HTR1F: variants seen among roughly 807,000 people sequenced by gnomAD.
HTR1F encodes 5-hydroxytryptamine (serotonin) receptor 1F, G protein-coupled.
A neutral mutation model predicts 24.0 loss-of-function variants in HTR1F; 17 were observed. The ratio of observed to expected loss-of-function variants is 0.71; its 90% CI spans 0.48 to 1.06. The LOEUF is 1.06. Ranked by LOEUF, HTR1F falls within the 50% of genes least tolerant of loss-of-function variation. HTR1F has a pLI of 0.00. For missense variants in HTR1F, 391 were observed against 427.8 expected, an observed-to-expected ratio of 0.91 and a Z score of 0.76; for synonymous variants, 186 against 156.8, an observed-to-expected ratio of 1.19 and a Z score of -1.39.
chr3:87,941,912 C>T (rs1254742106), intron 2 of HTR1F, among the ~76,000 whole-genome samples: 3 of 152,224 alleles, frequency 2.0e-5, no homozygotes, highest in Admixed American at 2.0e-4. Context: ...ATTGCAGGGG[C>T]TATTGCATGG....
chr3:87,806,661 T>C lies in HTR1F; in HGVS notation c.-160+13819T>C, dbSNP rs548905168. On this transcript the variant is annotated intron_variant, in intron 1 of 2. Transcript: ENST00000319595. ...TGTGAAGAAGAGTTTTAGTTTAATA[T>C]AGTCCAATTTTGTTTCTGTTGTCTA... 3.9e-4 allele frequency among the ~76,000 whole-genome samples: 59 copies of C among 152,100 alleles called. No homozygotes were observed. The South Asian group carries it at 0.011, about 29-fold the overall frequency.
chr3:87,849,674 C>T (rs1487691020), intron 2 of HTR1F, among the ~76,000 whole-genome samples: 1 of 151,768 alleles, frequency 6.6e-6, no homozygotes, highest in Non-Finnish European at 1.5e-5. Context: ...AACAGGCAAC[C>T]TACAGAATGG....
intron 2 of HTR1F, among the ~76,000 whole-genome samples, chr3:87,945,339 T>G (rs1298079638): frequency 6.6e-6 from 1 of 152,048 alleles, no homozygotes; most frequent in African/African-American, 2.4e-5. Flanking sequence ...GAGATACAAC[T>G]TGCTAGAGGA....
At chr3:87,864,408 T>C (rs1705379159) in intron 2 of HTR1F, among the ~76,000 whole-genome samples, 1 of 152,150 alleles carries the variant, frequency 6.6e-6, no homozygotes, top group African/African-American at 2.4e-5. Context: ...CAGAAAACTG[T>C]TAGAATTTAT....
At chr3:87,984,052 CAGTT>C (rs1275208655) in intron 2 of HTR1F, among the ~76,000 whole-genome samples, 1 of 152,172 alleles carries the variant, frequency 6.6e-6, no homozygotes, top group Admixed American at 6.5e-5. Flanking sequence ...TTGTCTTCCT[CAGTT>C]AATTTTCATC....
chr3:87,954,701 TA>T (rs1704907014), intron 2 of HTR1F, among the ~76,000 whole-genome samples: 1 of 151,594 alleles, frequency 6.6e-6, no homozygotes, highest in South Asian at 2.1e-4. Flanking sequence ...GATAACCAAT[TA>T]AAACATTTTA....
chr3:87,897,252 A>AT (rs1706219481), intron 2 of HTR1F, among the ~76,000 whole-genome samples: 2 of 148,854 alleles, frequency 1.3e-5, no homozygotes, highest in African/African-American at 4.9e-5. Context: ...ATATATATAT[A>AT]ATTCAGCCTT....
At chr3:87,948,879 A>G (rs371390920) in intron 2 of HTR1F, among the ~76,000 whole-genome samples, 4 of 152,342 alleles carry the variant, frequency 2.6e-5, no homozygotes, top group South Asian at 4.1e-4. Context: ...TAGCCATATT[A>G]TAGAACCTTG....
intron 2 of HTR1F, among the ~76,000 whole-genome samples, chr3:87,916,926 A>G (rs1219144925): frequency 1.3e-5 from 2 of 152,134 alleles, no homozygotes; most frequent in African/African-American, 4.8e-5. Flanking sequence ...ATTCAACAGC[A>G]CATGGAACTT....
intron 1 of HTR1F, among the ~76,000 whole-genome samples, chr3:87,803,824 A>T (rs1459532027): frequency 1.3e-5 from 2 of 152,272 alleles, no homozygotes; most frequent in East Asian, 3.9e-4. Flanking sequence ...GAATAAACTG[A>T]TCATTTTTAC....
chr3:87,984,231 A>G (rs1705612587), intron 2 of HTR1F, among the ~76,000 whole-genome samples: 1 of 152,198 alleles, frequency 6.6e-6, no homozygotes, highest in African/African-American at 2.4e-5. Flanking sequence ...TGCTATGATT[A>G]ATTAATTATC....
chr3:87,866,839 T>C (rs903944899), intron 2 of HTR1F, among the ~76,000 whole-genome samples: 1 of 149,888 alleles, frequency 6.7e-6, no homozygotes, highest in Non-Finnish European at 1.5e-5. Flanking sequence ...TGTGTGTGTG[T>C]GTGTGTGCGT....
chr3:87,849,452 T>C (rs962000558), intron 2 of HTR1F, among the ~76,000 whole-genome samples: 4 of 151,846 alleles, frequency 2.6e-5, no homozygotes, highest in African/African-American at 9.7e-5. Flanking sequence ...TCTACAAAAA[T>C]TAATTCAAGA....
chr3:87,857,927 A>G lies in HTR1F; in HGVS notation c.-43+35803A>G, dbSNP rs140312314. ...GGCAAGATATGATAATAATAACACTATTATTTTTATTTTTCAACTAAATTG... is the reference window on the plus strand; with the variant it reads ...GGCAAGATATGATAATAATAACACTGTTATTTTTATTTTTCAACTAAATTG... On this transcript the variant is annotated intron_variant, in intron 2 of 2. Coordinates refer to ENST00000319595, the MANE Select transcript of HTR1F (RefSeq NM_001322209.2). Among the ~76,000 whole-genome samples, 275 of 152,294 alleles carry G rather than the reference A, an allele frequency of 1.8e-3. 3 individuals carry two copies. The East Asian group carries it at 0.021, about 12-fold the overall frequency.
intron 2 of HTR1F, among the ~76,000 whole-genome samples, chr3:87,967,674 C>T (rs1705197182): frequency 6.6e-6 from 1 of 152,052 alleles, no homozygotes; most frequent in Admixed American, 6.6e-5. Flanking sequence ...AGGGGAGTTC[C>T]CCTGCTCATG....
intron 2 of HTR1F, among the ~76,000 whole-genome samples, chr3:87,824,355 C>T (rs931089459): frequency 6.6e-6 from 1 of 152,124 alleles, no homozygotes; most frequent in African/African-American, 2.4e-5. Flanking sequence ...CCTAATGATG[C>T]CCTTTAAAAT....
At chr3:87,829,586 G>GTT (rs1704533426) in intron 2 of HTR1F, among the ~76,000 whole-genome samples, 2 of 152,232 alleles carry the variant, frequency 1.3e-5, no homozygotes, top group East Asian at 3.9e-4. Context: ...CATTCACACT[G>GTT]TCCTGAGGGA....
intron 2 of HTR1F, among the ~76,000 whole-genome samples, chr3:87,968,658 C>G (rs115727612): frequency 0.021 from 3,158 of 152,308 alleles, 50 homozygotes; most frequent in Non-Finnish European, 0.035. Flanking sequence ...GGAAAATTTG[C>G]AGCCTGACAA....
At chr3:87,945,945 C>A (rs1388967025) in intron 2 of HTR1F, among the ~76,000 whole-genome samples, 1 of 152,130 alleles carries the variant, frequency 6.6e-6, no homozygotes, top group Admixed American at 6.5e-5. Context: ...TGGTGGCAAG[C>A]CTCGGGTTCT....
Sources: gnomAD v4.1 joint callset for allele counts (sites outside exome capture counted in the v4.1 genomes callset) on GRCh38, gnomAD v4.1.1 for gene constraint, MANE v1.5 for transcripts, NCBI Gene and HGNC (gene_info 2026-07-23, HGNC 2026-07-21) for gene names.